HS6ST2: variants seen among roughly 807,000 people sequenced by gnomAD.
HS6ST2 encodes heparan sulfate 6-O-sulfotransferase 2.
In HS6ST2, 17 loss-of-function variants were observed where a neutral mutation model predicts 33.0. That is an observed-to-expected ratio of 0.52 (90% CI 0.35 to 0.77). The LOEUF (loss-of-function observed/expected upper bound fraction) is 0.77. Ranked by LOEUF, HS6ST2 falls within the 30% of genes least tolerant of loss-of-function variation. The pLI, the probability that HS6ST2 is intolerant of heterozygous loss-of-function variation, is 0.01. For missense variants in HS6ST2, 519 were observed against 551.7 expected, an observed-to-expected ratio of 0.94 and a Z score of 0.59; for synonymous variants, 248 against 237.1, an observed-to-expected ratio of 1.05 and a Z score of -0.42.
At chrX:132,721,169 A>G (rs1426467326) in intron 2 of HS6ST2, among the ~76,000 whole-genome samples, 1 of 112,376 alleles carries the variant, frequency 8.9e-6, no homozygotes, top group Non-Finnish European at 1.9e-5. Context: ...AGGATAGACC[A>G]TATGTTAGGT....
At chrX:132,955,600 G>A (rs2148507484) in intron 2 of HS6ST2, among the ~76,000 whole-genome samples, 1 of 111,817 alleles carries the variant, frequency 8.9e-6, no homozygotes, top group East Asian at 2.8e-4. Context: ...GTCCTTGCCG[G>A]CCCAGAGACC....
At chrX:132,865,121 TC>T (rs1270228311) in intron 2 of HS6ST2, among the ~76,000 whole-genome samples, 1 of 49,496 alleles carries the variant, frequency 2.0e-5, no homozygotes, top group South Asian at 1.9e-3. Context: ...ATGCTATCCC[TC>T]CCCCCTCCCC....
rs1416896157 is a variant in HS6ST2 at position 132,771,225 on chromosome X, A to G, written c.948-62731T>C. On this transcript the variant is annotated intron_variant, in intron 2 of 4. Coordinates refer to ENST00000370833, the MANE Select transcript of HS6ST2 (RefSeq NM_001394073.1). The stretch of plus-strand genomic sequence containing the variant: ...AAAGAATGAATGCAAGCAAACAAAC[A>G]GTGTAAGAAACTAAAGCAAAATGAT... 8.9e-5 allele frequency among the ~76,000 whole-genome samples: 10 copies of G among 112,575 alleles called. No homozygotes were observed. The South Asian group carries it at 3.7e-3, about 41-fold the overall frequency.
intron 2 of HS6ST2, among the ~76,000 whole-genome samples, chrX:132,785,156 C>G (rs2065050616): frequency 1.8e-5 from 2 of 112,262 alleles, no homozygotes; most frequent in Admixed American, 1.9e-4. Flanking sequence ...CTCAGTTACA[C>G]TTTTCAATTT....
chrX:132,797,999 T>A (rs1202544682), intron 2 of HS6ST2, among the ~76,000 whole-genome samples: 1 of 75,277 alleles, frequency 1.3e-5, no homozygotes, highest in Admixed American at 1.7e-4. Flanking sequence ...GGCAACAGAA[T>A]GAGACTTTGT....
intron 2 of HS6ST2, among the ~76,000 whole-genome samples, chrX:132,911,005 C>T (rs1166376401): frequency 9.0e-6 from 1 of 110,824 alleles, no homozygotes; most frequent in Non-Finnish European, 1.9e-5. Flanking sequence ...CAAAAATTAG[C>T]CGGGTGTGGT....
chrX:132,892,674 T>C (rs1480199998), intron 2 of HS6ST2, among the ~76,000 whole-genome samples: 1 of 111,290 alleles, frequency 9.0e-6, no homozygotes, highest in Non-Finnish European at 1.9e-5. Context: ...CAAAAATTAG[T>C]TGGGCGTGGG....
chrX:132,852,078 G>C (rs1382885554), intron 2 of HS6ST2, among the ~76,000 whole-genome samples: 2 of 111,309 alleles, frequency 1.8e-5, no homozygotes, highest in East Asian at 5.7e-4. Context: ...GGAGTTCAAG[G>C]CTGCAGTGAG....
intron 2 of HS6ST2, among the ~76,000 whole-genome samples, chrX:132,869,291 A>G (rs2066030234): frequency 9.0e-6 from 1 of 111,664 alleles, no homozygotes; most frequent in Non-Finnish European, 1.9e-5. Context: ...GTAATAGCCT[A>G]CCAACGAAGG....
At chrX:132,800,990 C>T (rs933163700) in intron 2 of HS6ST2, among the ~76,000 whole-genome samples, 4 of 111,638 alleles carry the variant, frequency 3.6e-5, no homozygotes, top group African/African-American at 1.3e-4. Flanking sequence ...TTTCCTGAGG[C>T]CTCCCCAGCC....
intron 2 of HS6ST2, among the ~76,000 whole-genome samples, chrX:132,759,485 C>T (rs1350916527): frequency 3.6e-5 from 4 of 110,878 alleles, no homozygotes; most frequent in African/African-American, 3.3e-5. Context: ...CTGAAAGCAA[C>T]ATTAAAAAAA....
At chrX:132,947,356 G>A (rs761532870) in intron 2 of HS6ST2, among the ~76,000 whole-genome samples, 9 of 108,040 alleles carry the variant, frequency 8.3e-5, no homozygotes, top group Admixed American at 2.0e-4. Flanking sequence ...TTCATTTTTT[G>A]TTCATTTTAC....
intron 2 of HS6ST2, among the ~76,000 whole-genome samples, chrX:132,859,859 G>C (rs763004532): frequency 2.1e-5 from 2 of 94,523 alleles, no homozygotes; most frequent in South Asian, 6.2e-4. Context: ...AGGAGGGAGA[G>C]ATGGAGGGAG....
chrX:132,643,457 AGCCACTC>A (rs1365456672), intron 4 of HS6ST2, among the ~76,000 whole-genome samples: 1 of 112,073 alleles, frequency 8.9e-6, no homozygotes, highest in Non-Finnish European at 1.9e-5. Flanking sequence ...AACCAATGAG[AGCCACTC>A]ACAAATGAAA....
chrX:132,764,318 C>T (rs2064826018), intron 2 of HS6ST2, among the ~76,000 whole-genome samples: 1 of 112,161 alleles, frequency 8.9e-6, no homozygotes, highest in Non-Finnish European at 1.9e-5. Flanking sequence ...AAATACTAAT[C>T]ATTTTGGAAT....
At chrX:132,674,884 G>A (rs2063911829) in intron 3 of HS6ST2, among the ~76,000 whole-genome samples, 1 of 111,851 alleles carries the variant, frequency 8.9e-6, no homozygotes. Context: ...ATGGTTTGGG[G>A]TAATTGAGAT....
chrX:132,731,998 C>T (rs1456160520), intron 2 of HS6ST2, among the ~76,000 whole-genome samples: 1 of 112,139 alleles, frequency 8.9e-6, no homozygotes, highest in Non-Finnish European at 1.9e-5. Flanking sequence ...AAAGCCAGCA[C>T]TGCTAATACA....
rs1239184951 is a variant in HS6ST2 at position 132,629,081 on chromosome X, G to A, written c.1080C>T (p.Tyr360=). The change falls in exon 5 of 5, where the codon TAC becomes TAT. Residue 360 remains tyrosine, a synonymous_variant. Coordinates refer to ENST00000370833, the MANE Select transcript of HS6ST2 (RefSeq NM_001394073.1). ...NTSKSGKNFH[Y]ITILRDPVSR... is the part of the protein sequence containing the mutation. ...ACACTGGGTCTCGGAGGATGGTGAT[G>A]TAGTGGAAGTTCCTATGGATGAAGC... The A allele has an allele frequency of 1.7e-6, 2 of 1,195,538 alleles. No homozygotes were observed. Among genetic ancestry groups the A allele is most frequent in the Non-Finnish European group, 2.3e-6 (2 of 886,199 alleles).
chrX:132,670,771 C>T (rs1016452454), intron 3 of HS6ST2, among the ~76,000 whole-genome samples: 3 of 112,390 alleles, frequency 2.7e-5, no homozygotes, highest in African/African-American at 6.5e-5. Context: ...CAAAATTGTG[C>T]GATTGCACTC....
Sources: gnomAD v4.1 joint callset for allele counts (sites outside exome capture counted in the v4.1 genomes callset) on GRCh38, gnomAD v4.1.1 for gene constraint, MANE v1.5 for transcripts, NCBI Gene and HGNC (gene_info 2026-07-23, HGNC 2026-07-21) for gene names.